ZNF799: variants seen among roughly 807,000 people sequenced by gnomAD.
ZNF799 encodes the protein zinc finger protein 14.
Under a neutral mutation model 41.0 loss-of-function variants are expected in ZNF799, and 28 were observed. The observed-to-expected ratio is 0.68, with a 90% CI of 0.51 to 0.94. The LOEUF (loss-of-function observed/expected upper bound fraction) is 0.94, where lower values mean the gene tolerates loss of function less well. Ranked by LOEUF, ZNF799 falls within the 40% of genes least tolerant of loss-of-function variation. The pLI is 0.00. For synonymous variants in ZNF799, 213 were observed against 252.9 expected (o/e 0.84, Z 1.50); for missense variants, 716 against 764.3 (o/e 0.94, Z 0.74).
At chr19:12,401,688 C>T (rs1448862997), upstream of ZNF799, among the ~76,000 whole-genome samples, 1 of 150,456 alleles carries the variant, frequency 6.6e-6, no homozygotes, top group Non-Finnish European at 1.5e-5. Flanking sequence ...AACAATTCTG[C>T]CTCAGCCTCC....
Position 12,391,509 on chromosome 19 carries a change from G to T in ZNF799, c.889C>A (p.Arg297=). The T allele has an allele frequency of 1.2e-6, 2 of 1,614,028 alleles. No individual in the cohort carries two copies. The highest frequency in any genetic ancestry group is 1.7e-6 in the Non-Finnish European group (2 of 1,179,950). The change falls in exon 4 of 4, where the codon CGA becomes AGA. Residue 297 remains arginine, a synonymous_variant. Transcript: ENST00000430385. ...TCAGTGTGAGTTGTTTCGTGTCTTC[G>T]AAGGGAAGTGGAAGCACTGAAGGCT... is the stretch of plus-strand genomic sequence containing the variant. ...GKAFSASTSL[R]RHETTHTDEK...
upstream of ZNF799, among the ~76,000 whole-genome samples, chr19:12,403,602 G>C (rs1333314758): frequency 2.0e-5 from 3 of 151,354 alleles, no homozygotes; most frequent in South Asian, 2.1e-4. Flanking sequence ...GCCTAGGCTG[G>C]AGTGCAATGG....
At chr19:12,408,630 T>C in the ZNF799 span, among the ~76,000 whole-genome samples, 27 of 152,040 alleles carry the variant, frequency 1.8e-4, no homozygotes, top group Non-Finnish European at 3.7e-4. Context: ...ATAAATCAGG[T>C]TGTAGATCAA....
the ZNF799 span, among the ~76,000 whole-genome samples, chr19:12,414,231 G>A: frequency 7.9e-5 from 12 of 152,316 alleles, no homozygotes; most frequent in East Asian, 2.3e-3. Context: ...CTCAGTGACA[G>A]AAGAAGGTAT....
Position 12,391,037 on chromosome 19 carries a change from C to T in ZNF799, c.1361G>A (p.Gly454Glu), listed in dbSNP as rs768666258. The T allele has an allele frequency of 6.2e-7, 1 of 1,614,132 alleles. No individual in the cohort carries two copies. Among genetic ancestry groups the T allele is most frequent in the Middle Eastern group, 1.6e-4 (1 of 6,062 alleles). The change falls in exon 4 of 4, where the codon GGG becomes GAG. Residue 454 changes from glycine to glutamate, a missense_variant. Around this residue, in one of 2 missense-constraint regions of ZNF799, gnomAD observed 698 missense variants for 713.6 expected, o/e 0.98. Transcript: ENST00000430385. The stretch of plus-strand genomic sequence containing the variant: ...GGAATAGAAATCAATAAAGGCTTTC[C>T]CACATTTGCATTTATAGGGTTTCTC... ...TGEKPYKCKC[G>E]KAFIDFYSFQ... is the part of the protein sequence containing the mutation.
chr19:12,392,482 A>T (rs1969839965), intron 3 of ZNF799, 121 bp downstream of exon 3: 1 of 1,016,780 alleles, frequency 9.8e-7, no homozygotes, highest in Non-Finnish European at 1.5e-6. Context: ...TTTGGAGAAA[A>T]TTTTCTAAGA....
At chr19:12,398,747 C>T (rs1308819612) in intron 1 of ZNF799, among the ~76,000 whole-genome samples, 2 of 152,110 alleles carry the variant, frequency 1.3e-5, no homozygotes, top group South Asian at 2.1e-4. Flanking sequence ...ACCTACTACA[C>T]TTTCTTGTAA....
intron 2 of ZNF799, 119 bp downstream of exon 2, chr19:12,393,177 GT>G (rs373185045): frequency 0.024 from 8,466 of 349,130 alleles, 337 homozygotes; most frequent in African/African-American, 0.13. Context: ...CCTAAACCCT[GT>G]TTTTTTTTTT....
Position 12,391,983 on chromosome 19 carries a change from T to A in ZNF799, c.415A>T (p.Lys139Ter). 6.2e-7 allele frequency: 1 copy of A among 1,614,164 alleles called. No homozygotes were observed. Among genetic ancestry groups the A allele is most frequent in the Middle Eastern group, 1.7e-4 (1 of 6,060 alleles). ...KPYEYHECGE[K>*]PDTHKQRGKA... ...CCACGTTGTTTATGCGTATCTGGCT[T>A]CTCTCCACATTCATGATACTCATAT... Residue 139 changes from lysine to a stop codon, truncating the protein, a stop_gained, in exon 4 of 4, where the codon AAG (lysine) becomes TAG (stop). Transcript: ENST00000430385. LOFTEE classifies it low-confidence loss of function (END_TRUNC).
the ZNF799 span, among the ~76,000 whole-genome samples, chr19:12,406,644 T>C: frequency 6.6e-6 from 1 of 152,156 alleles, no homozygotes; most frequent in African/African-American, 2.4e-5. Context: ...CTCATGCCTG[T>C]AATCCCAGTA....
Position 12,391,256 on chromosome 19 carries a change from C to G in ZNF799, c.1142G>C (p.Arg381Pro), listed in dbSNP as rs766718318. Residue 381 changes from arginine to proline, a missense_variant, in exon 4 of 4, where the codon CGA (arginine) becomes CCA (proline). By Grantham distance (103) the Arg-to-Pro change is moderately radical. Around this residue, in one of 2 missense-constraint regions of ZNF799, gnomAD observed 698 missense variants for 713.6 expected, o/e 0.98. Transcript: ENST00000430385. Reference protein sequence around the residue: ...GKALSHSSSFRRHMTMHTGDG... With the variant: ...GKALSHSSSFPRHMTMHTGDG... ...TCCAGTGTGCATTGTCATGTGTCTT[C>G]GAAAGCTTGAGCTATGAGATAACGC... 1.2e-6 allele frequency: 2 copies of G among 1,613,974 alleles called. No homozygotes were observed. The highest frequency in any genetic ancestry group is 2.7e-5 in the African/African-American group (2 of 74,982).
chr19:12,396,761 A>AG (rs201187292), intron 1 of ZNF799, among the ~76,000 whole-genome samples: 3,815 of 152,104 alleles, frequency 0.025, 166 homozygotes, highest in African/African-American at 0.087. Flanking sequence ...CAAAAAAAAA[A>AG]AATCAGTTAA....
chr19:12,395,317 T>G (rs1969879054), intron 1 of ZNF799, among the ~76,000 whole-genome samples: 1 of 152,030 alleles, frequency 6.6e-6, no homozygotes, highest in African/African-American at 2.4e-5. Context: ...AACTTTTGTA[T>G]TTTTACTAGA....
chr19:12,401,242 A>G lies in ZNF799; in HGVS notation c.-172T>C. 6.9e-7 allele frequency: 1 copy of G among 1,443,448 alleles called. No homozygotes were observed. The highest frequency in any genetic ancestry group is 9.2e-7 in the Non-Finnish European group (1 of 1,085,476). 89.4% of individuals were successfully genotyped at this position (1,443,448 alleles called of 1,614,324 possible). ...AGACGCCGCGGGCTTTTTCAACCAC[A>G]CACTCCTCTGGGAAGCGCGCCTGAT... is the stretch of plus-strand genomic sequence containing the variant. On this transcript the variant is annotated 5_prime_UTR_variant, in exon 1 of 4. Transcript: ENST00000430385.
At chr19:12,401,463 T>C (rs904469456), upstream of ZNF799, among the ~76,000 whole-genome samples, 3 of 151,940 alleles carry the variant, frequency 2.0e-5, no homozygotes, top group African/African-American at 7.3e-5. Context: ...ATATTTGCAC[T>C]TAAGCGGAAT....
the ZNF799 span, among the ~76,000 whole-genome samples, chr19:12,406,300 A>G: frequency 2.0e-5 from 3 of 150,612 alleles, no homozygotes; most frequent in African/African-American, 7.3e-5. Context: ...TAACACGGTG[A>G]AACCCCATCT....
chr19:12,402,439 T>C (rs1970003742), upstream of ZNF799, among the ~76,000 whole-genome samples: 1 of 141,838 alleles, frequency 7.1e-6, no homozygotes, highest in African/African-American at 2.6e-5. Flanking sequence ...TTTTTGGACT[T>C]ATTGCTCTAG....
chr19:12,391,088 C>T lies in ZNF799; in HGVS notation c.1310G>A (p.Arg437Gln), dbSNP rs757608439. ...GKAYRISSSL[R>Q]RHETTHTGEK... Reference sequence around the variant, plus strand: ...TCCAGTATGAGTTGTTTCATGCCTTCGAAGAGAACTGGAAATACGGTAGGC... The same window carrying T: ...TCCAGTATGAGTTGTTTCATGCCTTTGAAGAGAACTGGAAATACGGTAGGC... Residue 437 changes from arginine (R) to glutamine (Q), a missense_variant, in exon 4 of 4, where the codon CGA becomes CAA. This residue lies in a region of ZNF799 where 698 missense variants were observed against 713.6 expected (regional missense o/e 0.98). Coordinates refer to ENST00000430385, the MANE Select transcript of ZNF799 (RefSeq NM_001080821.3). The T allele has an allele frequency of 1.1e-4, 172 of 1,613,980 alleles. No individual in the cohort carries two copies. Among genetic ancestry groups the T allele is most frequent in the Non-Finnish European group, 1.3e-4 (157 of 1,180,004 alleles).
At chr19:12,414,086 C>G in the ZNF799 span, among the ~76,000 whole-genome samples, 1 of 152,142 alleles carries the variant, frequency 6.6e-6, no homozygotes, top group Non-Finnish European at 1.5e-5. Context: ...GGGAACCAAG[C>G]GCAAGGAGTG....
Sources: gnomAD v4.1 joint callset for allele counts (sites outside exome capture counted in the v4.1 genomes callset) on GRCh38, gnomAD v4.1.1 for gene constraint, gnomAD v4.1.1 regional missense constraint, MANE v1.5 for transcripts, NCBI Gene and HGNC (gene_info 2026-07-23, HGNC 2026-07-21) for gene names.